ZNF678: variants seen among roughly 807,000 people sequenced by gnomAD.
ZNF678 encodes hypothetical protein MGC42493.
In ZNF678, 5 loss-of-function variants were observed where a neutral mutation model predicts 3.0. The observed-to-expected ratio is 1.69, with a 90% CI of 0.88 to 3.56. The LOEUF (loss-of-function observed/expected upper bound fraction) is 3.56, where lower values mean the gene tolerates loss of function less well. Ranked by LOEUF, ZNF678 falls within the 30% of genes most tolerant of loss-of-function variation. The pLI is 0.00. For missense variants in ZNF678, 593 were observed against 605.0 expected (o/e 0.98, Z 0.21); for synonymous variants, 218 against 199.6 (o/e 1.09, Z -0.78).
chr1:227,622,504 G>A (rs1042690291), intron 1 of ZNF678, among the ~76,000 whole-genome samples: 2 of 152,156 alleles, frequency 1.3e-5, no homozygotes, highest in African/African-American at 4.8e-5. Flanking sequence ...GATCACTCGC[G>A]TTTGGCTCAG....
chr1:227,646,128 G>C (rs551694370), intron 1 of ZNF678, among the ~76,000 whole-genome samples: 1 of 152,280 alleles, frequency 6.6e-6, no homozygotes, highest in East Asian at 1.9e-4. Flanking sequence ...AAAAAGTCAG[G>C]TTTCAGCCCA....
intron 1 of ZNF678, among the ~76,000 whole-genome samples, chr1:227,583,105 G>A (rs190758063): frequency 5.5e-4 from 84 of 151,902 alleles, no homozygotes; most frequent in African/African-American, 1.9e-3. Context: ...TTATGTATCC[G>A]TTGCTCTGAC....
chr1:227,654,722 T>C lies in ZNF678; in HGVS notation c.472T>C (p.Cys158Arg). 1.2e-6 allele frequency: 2 copies of C among 1,613,144 alleles called. No individual in the cohort carries two copies. Among genetic ancestry groups the C allele is most frequent in the Non-Finnish European group, 1.7e-6 (2 of 1,179,390 alleles). The change falls in exon 4 of 4, where the codon TGT becomes CGT. Residue 158 changes from cysteine to arginine, a missense_variant. Cys to Arg is a radical substitution (Grantham distance 180). Transcript: ENST00000343776. ...TGEKPYKCDE[C>R]GKVFNWWSQL... ...AGAGAAACCCTACAAATGTGACGAA[T>C]GTGGCAAAGTTTTTAATTGGTGGTC...
At chr1:227,629,490 A>G (rs1658498975) in intron 1 of ZNF678, among the ~76,000 whole-genome samples, 1 of 152,242 alleles carries the variant, frequency 6.6e-6, no homozygotes, top group Admixed American at 6.5e-5. Flanking sequence ...AGAAGTATCT[A>G]GTGACTGCAT....
intron 1 of ZNF678, among the ~76,000 whole-genome samples, chr1:227,590,048 G>A (rs1011036696): frequency 6.6e-6 from 1 of 151,776 alleles, no homozygotes; most frequent in Non-Finnish European, 1.5e-5. Context: ...TGGTGAACTA[G>A]AGTAGCGATG....
chr1:227,655,062 G>A lies in ZNF678; in HGVS notation c.812G>A (p.Gly271Asp), dbSNP rs1260736821. The A allele has an allele frequency of 1.9e-6, 3 of 1,612,020 alleles. No homozygotes were observed. The highest frequency in any genetic ancestry group is 1.7e-5 in the Admixed American group (1 of 59,550). ...AAACCTTACAAGTGTGAAGAATGTGGCAACGTTTTTAATGAGTGCTCACAC... is the reference window on the plus strand; with the variant it reads ...AAACCTTACAAGTGTGAAGAATGTGACAACGTTTTTAATGAGTGCTCACAC... The part of the protein sequence containing the change: ...GEKPYKCEEC[G>D]NVFNECSHLT... Residue 271 changes from glycine to aspartate, a missense_variant, in exon 4 of 4, where the codon GGC becomes GAC. Physicochemically the swap from Gly to Asp is moderately conservative, Grantham distance 94. Transcript: ENST00000343776.
At position 227,660,849 on chromosome 1, in the gene ZNF678, G is replaced by A. The variant is rs1173859134; in HGVS notation, c.*5021G>A. On this transcript the variant is annotated 3_prime_UTR_variant, in exon 4 of 4. Coordinates refer to ENST00000343776, the MANE Select transcript of ZNF678 (RefSeq NM_001367909.1). ...TGTCAGATGTCCATTTGTCATATAT[G>A]GCCTTTATTGGCTTGAGGTATGTAT... is the stretch of plus-strand genomic sequence containing the variant. 1 of 152,064 alleles carries A rather than the reference G, an allele frequency of 6.6e-6. No individual in the cohort carries two copies. Among genetic ancestry groups the A allele is most frequent in the Non-Finnish European group, 1.5e-5 (1 of 67,998 alleles). 9.4% of individuals were successfully genotyped at this position (152,064 alleles called of 1,614,324 possible).
intron 1 of ZNF678, among the ~76,000 whole-genome samples, chr1:227,581,768 T>C (rs534566305): frequency 6.6e-6 from 1 of 152,338 alleles, no homozygotes; most frequent in South Asian, 2.1e-4. Context: ...TGCTGTATGC[T>C]AGAGACCTAG....
intron 1 of ZNF678, among the ~76,000 whole-genome samples, chr1:227,618,596 T>G (rs1658198028): frequency 1.3e-5 from 2 of 152,212 alleles, no homozygotes; most frequent in South Asian, 4.1e-4. Flanking sequence ...GCCACTGTCA[T>G]TCTTTGACCA....
At chr1:227,588,926 G>A (rs1657335209) in intron 1 of ZNF678, among the ~76,000 whole-genome samples, 1 of 150,860 alleles carries the variant, frequency 6.6e-6, no homozygotes, top group Non-Finnish European at 1.5e-5. Context: ...ATGTTTATTG[G>A]CTGCATGTAT....
intron 1 of ZNF678, among the ~76,000 whole-genome samples, chr1:227,611,477 T>G (rs1658019244): frequency 6.6e-6 from 1 of 152,186 alleles, no homozygotes; most frequent in Non-Finnish European, 1.5e-5. Flanking sequence ...TGTGTCTTAT[T>G]GAGATAACAC....
chr1:227,595,675 C>T (rs962818470), intron 1 of ZNF678, among the ~76,000 whole-genome samples: 1 of 152,158 alleles, frequency 6.6e-6, no homozygotes, highest in Non-Finnish European at 1.5e-5. Context: ...AGGGCACACA[C>T]ACACTTTTGC....
At chr1:227,637,621 A>G (rs568102120) in intron 1 of ZNF678, among the ~76,000 whole-genome samples, 39 of 152,218 alleles carry the variant, frequency 2.6e-4, no homozygotes, top group Admixed American at 2.2e-3. Flanking sequence ...GAGAGTGAGG[A>G]CGGGGGCCTG....
intron 1 of ZNF678, among the ~76,000 whole-genome samples, chr1:227,643,188 A>G (rs1334846980): frequency 2.0e-5 from 3 of 151,784 alleles, no homozygotes; most frequent in African/African-American, 7.3e-5. Context: ...GAGGAGGAGG[A>G]GTTAGTAGTA....
At chr1:227,618,924 G>A (rs1418998240) in intron 1 of ZNF678, among the ~76,000 whole-genome samples, 2 of 152,072 alleles carry the variant, frequency 1.3e-5, no homozygotes, top group Non-Finnish European at 2.9e-5. Flanking sequence ...TGGCTGGGGG[G>A]GCCTCAGGAA....
intron 1 of ZNF678, chr1:227,598,499 T>C (rs1410220984): frequency 2.2e-6 from 3 of 1,366,370 alleles, no homozygotes; most frequent in South Asian, 1.4e-5. Context: ...TTTTCTTTTT[T>C]TGTTTTTTTT....
chr1:227,622,328 C>T (rs1324912342), intron 1 of ZNF678, among the ~76,000 whole-genome samples: 1 of 152,232 alleles, frequency 6.6e-6, no homozygotes, highest in Admixed American at 6.5e-5. Flanking sequence ...GATTTGTCAG[C>T]ACCCACATAT....
chr1:227,591,800 C>T (rs1657421078), intron 1 of ZNF678, among the ~76,000 whole-genome samples: 1 of 152,156 alleles, frequency 6.6e-6, no homozygotes, highest in African/African-American at 2.4e-5. Flanking sequence ...ACCATAGCAA[C>T]CTTTTCTCCT....
intron 1 of ZNF678, among the ~76,000 whole-genome samples, chr1:227,598,203 G>C (rs1250893840): frequency 6.6e-6 from 1 of 152,140 alleles, no homozygotes; most frequent in African/African-American, 2.4e-5. Context: ...TTATCTCCCA[G>C]AATTATCAAG....
Sources: gnomAD v4.1 joint callset for allele counts (sites outside exome capture counted in the v4.1 genomes callset) on GRCh38, gnomAD v4.1.1 for gene constraint, MANE v1.5 for transcripts, NCBI Gene and HGNC (gene_info 2026-07-23, HGNC 2026-07-21) for gene names.